RAPGEF2: variants seen among roughly 807,000 people sequenced by gnomAD.
RAPGEF2 encodes the protein PDZ domain containing guanine nucleotide exchange factor (GEF) 1.
A neutral mutation model predicts 186.7 loss-of-function variants in RAPGEF2; 54 were observed. That is an observed-to-expected ratio of 0.29 (90% CI 0.23 to 0.36). The LOEUF (loss-of-function observed/expected upper bound fraction) is 0.36. RAPGEF2 is among the 10% of genes least tolerant of loss of function. The pLI is 1.00. For synonymous variants in RAPGEF2, 712 were observed against 705.9 expected, an observed-to-expected ratio of 1.01 and a Z score of -0.14; for missense variants, 1,532 against 2,045.0, an observed-to-expected ratio of 0.75 and a Z score of 4.84.
At chr4:159,310,878 G>C (rs1305473384) in intron 8 of RAPGEF2, among the ~76,000 whole-genome samples, 1 of 152,090 alleles carries the variant, frequency 6.6e-6, no homozygotes, top group Non-Finnish European at 1.5e-5. Flanking sequence ...GTTATTTGGA[G>C]GAAGCTAGAA....
intron 1 of RAPGEF2, among the ~76,000 whole-genome samples, chr4:159,126,767 G>C (rs1343258480): frequency 6.6e-6 from 1 of 152,048 alleles, no homozygotes; most frequent in Non-Finnish European, 1.5e-5. Flanking sequence ...TAAGATCAGA[G>C]CTACAAGAGG....
At chr4:159,145,031 G>C (rs1404336641) in intron 1 of RAPGEF2, among the ~76,000 whole-genome samples, 3 of 151,662 alleles carry the variant, frequency 2.0e-5, no homozygotes, top group African/African-American at 7.3e-5. Context: ...TGGAACTGCA[G>C]GCATGCACCA....
intron 7 of RAPGEF2, among the ~76,000 whole-genome samples, chr4:159,286,027 C>CGCAA (rs1760415752): frequency 6.9e-6 from 1 of 144,352 alleles, no homozygotes; most frequent in Non-Finnish European, 1.5e-5. Flanking sequence ...AACTGTTCCC[C>CGCAA]CCAACCACCA....
At chr4:159,201,450 C>T (rs569167925) in intron 3 of RAPGEF2, among the ~76,000 whole-genome samples, 1 of 152,264 alleles carries the variant, frequency 6.6e-6, no homozygotes, top group East Asian at 1.9e-4. Context: ...ATCCCAAGGG[C>T]TCTTGACATT....
chr4:159,270,312 C>T (rs966225759), intron 7 of RAPGEF2, among the ~76,000 whole-genome samples: 1 of 152,144 alleles, frequency 6.6e-6, no homozygotes, highest in Non-Finnish European at 1.5e-5. Flanking sequence ...GTTACTCAGG[C>T]TCTCAATAAG....
In RAPGEF2 at chr4:159,241,261, C is replaced by T. The variant is rs1422028880; in HGVS notation, c.418C>T (p.Arg140Ter). ...FQRQASHRQS[R>*]RRFRKINQKG... is the part of the protein sequence containing the mutation. ...GCGGCAAGCTTCCCATAGACAGTCT[C>T]GAAGGAGATTTAGAAAAATCAACCA... is the stretch of plus-strand genomic sequence containing the variant. Residue 140 changes from arginine (R) to a stop codon, truncating the protein, a stop_gained, in exon 6 of 30, where the codon CGA becomes TGA. Transcript: ENST00000691494. LOFTEE classifies it high-confidence loss of function. The T allele has an allele frequency of 3.3e-6, 5 of 1,532,274 alleles. No individual in the cohort carries two copies. Among genetic ancestry groups the T allele is most frequent in the South Asian group, 1.2e-5 (1 of 83,600 alleles). The allele number at this position is 1,532,274 out of a possible 1,614,324, so 94.9% of individuals were successfully genotyped here.
At chr4:159,135,961 T>C (rs1741678319) in intron 1 of RAPGEF2, among the ~76,000 whole-genome samples, 1 of 152,076 alleles carries the variant, frequency 6.6e-6, no homozygotes, top group Non-Finnish European at 1.5e-5. Flanking sequence ...GTACAGAGAG[T>C]TTCCATATGT....
At chr4:159,104,279 G>A (rs1024196683) in intron 1 of RAPGEF2, 48 bp downstream of exon 1, 3 of 1,228,520 alleles carry the variant, frequency 2.4e-6, no homozygotes, top group Non-Finnish European at 2.2e-6. Context: ...CTGCCTCGCA[G>A]GCTGCGTCTT....
At chr4:159,237,470 AT>A (rs1020123661) in intron 4 of RAPGEF2, among the ~76,000 whole-genome samples, 25 of 152,126 alleles carry the variant, frequency 1.6e-4, no homozygotes, top group African/African-American at 6.0e-4. Flanking sequence ...TTTGCTAGAG[AT>A]TGCAGATGAT....
At chr4:159,168,400 G>A (rs1294470902) in intron 1 of RAPGEF2, among the ~76,000 whole-genome samples, 2 of 151,910 alleles carry the variant, frequency 1.3e-5, no homozygotes, top group East Asian at 1.9e-4. Flanking sequence ...AATGACCAGT[G>A]AACAGTCAGG....
Position 159,180,379 on chromosome 4 carries a change from A to G in RAPGEF2, c.70-6263A>G, listed in dbSNP as rs182642798. On this transcript the variant is annotated intron_variant, in intron 1 of 29. Coordinates refer to ENST00000691494, the MANE Select transcript of RAPGEF2 (RefSeq NM_001394067.2). ...ACCCAAATCCACGTTGGTCAAGTTC[A>G]TATTACGTAGTGAAACATTACTTAT... is the stretch of plus-strand genomic sequence containing the variant. Among the ~76,000 whole-genome samples the G allele has an allele frequency of 9.2e-5, 14 of 152,276 alleles. No individual in the cohort carries two copies. The East Asian group carries it at 2.7e-3, about 29-fold the overall frequency.
chr4:159,148,335 T>G (rs77727650), intron 1 of RAPGEF2, among the ~76,000 whole-genome samples: 1,560 of 152,230 alleles, frequency 0.01, 27 homozygotes, highest in African/African-American at 0.035. Context: ...AACTAGAGAG[T>G]AGATGTTGAA....
chr4:159,345,321 C>T lies in RAPGEF2; in HGVS notation c.3494C>T (p.Thr1165Ile). The change falls in exon 24 of 30, where the codon ACC (threonine) becomes ATC (isoleucine). Residue 1165 changes from threonine (T) to isoleucine (I), a missense_variant. Physicochemically the swap from Thr to Ile is moderately conservative, Grantham distance 89. Around this residue, in one of 4 missense-constraint regions of RAPGEF2, gnomAD observed 117 missense variants for 180.8 expected, o/e 0.65. Transcript: ENST00000691494. ...TTATCTCTGCAGTGTGAGCCAGCAA[C>T]CAACACATGTGAGTTTTTCCTTAAA... ...QTLSLQCEPA[T>I]NTLPKNPGDK... The T allele has an allele frequency of 1.2e-6, 2 of 1,613,970 alleles. No homozygotes were observed. Among genetic ancestry groups the T allele is most frequent in the Non-Finnish European group, 1.7e-6 (2 of 1,179,948 alleles).
chr4:159,357,634 G>A (rs955599274), intron 29 of RAPGEF2, among the ~76,000 whole-genome samples: 4 of 152,138 alleles, frequency 2.6e-5, no homozygotes, highest in Non-Finnish European at 5.9e-5. Context: ...AGTGAGCCGA[G>A]AACACTGCAC....
At chr4:159,329,724 C>A (rs978323142) in intron 11 of RAPGEF2, 134 bp from the exon 12 acceptor site, 23 of 632,438 alleles carry the variant, frequency 3.6e-5, no homozygotes, top group Non-Finnish European at 5.6e-5. Flanking sequence ...AGGTTCATTA[C>A]AGCATTAATT....
chr4:159,324,022 G>A (rs779964451), intron 11 of RAPGEF2, among the ~76,000 whole-genome samples: 2 of 151,438 alleles, frequency 1.3e-5, no homozygotes, highest in Non-Finnish European at 1.5e-5. Flanking sequence ...TCAGCCTCCC[G>A]AGCAGCTGGG....
intron 1 of RAPGEF2, among the ~76,000 whole-genome samples, chr4:159,177,757 G>A (rs1746590715): frequency 6.6e-6 from 1 of 152,220 alleles, no homozygotes. Flanking sequence ...TTTGGGTATA[G>A]ATGTGAATTT....
intron 1 of RAPGEF2, among the ~76,000 whole-genome samples, chr4:159,110,323 C>A (rs1738355992): frequency 6.6e-6 from 1 of 152,148 alleles, no homozygotes; most frequent in African/African-American, 2.4e-5. Context: ...TGCTGTGGCT[C>A]ATGCCTCTAA....
chr4:159,155,354 A>G (rs1288056595), intron 1 of RAPGEF2, among the ~76,000 whole-genome samples: 1 of 152,194 alleles, frequency 6.6e-6, no homozygotes, highest in Non-Finnish European at 1.5e-5. Flanking sequence ...TGTTTTGACA[A>G]GATTTCAGAG....
Sources: gnomAD v4.1 joint callset for allele counts (sites outside exome capture counted in the v4.1 genomes callset) on GRCh38, gnomAD v4.1.1 for gene constraint, gnomAD v4.1.1 regional missense constraint, MANE v1.5 for transcripts, NCBI Gene and HGNC (gene_info 2026-07-23, HGNC 2026-07-21) for gene names.